FAM227A: variants seen among roughly 807,000 people sequenced by gnomAD.
FAM227A encodes protein FAM227A.
Under a neutral mutation model 74.7 loss-of-function variants are expected in FAM227A, and 80 were observed. The observed-to-expected ratio is 1.07, with a 90% CI of 0.89 to 1.29. The LOEUF (loss-of-function observed/expected upper bound fraction) is 1.29. Ranked by LOEUF, FAM227A falls within the 50% of genes most tolerant of loss-of-function variation. The pLI is 0.00. For synonymous variants in FAM227A, 237 were observed against 241.8 expected (o/e 0.98, Z 0.19); for missense variants, 654 against 683.4 (o/e 0.96, Z 0.48).
rs1441771695 is a variant in FAM227A at position 38,636,567 on chromosome 22, G to C, written c.403C>G (p.Leu135Val). The C allele has an allele frequency of 1.9e-6, 3 of 1,551,354 alleles. No homozygotes were observed. In the African/African-American group the frequency reaches 4.1e-5, roughly 21 times the overall value. Residue 135 changes from leucine to valine, a missense_variant, in exon 6 of 17, where the codon CTG (leucine) becomes GTG (valine). Transcript: ENST00000535113. ...KTADKNLLAELYQYSNFNSSK... is the reference protein window; with the variant it reads ...KTADKNLLAEVYQYSNFNSSK... ...CTGTTGAAGTTGGAATACTGGTACA[G>C]CTCTGCCAGCAGATTTTTATCTGCT...
chr22:38,578,174 A>G lies in FAM227A; in HGVS notation c.*7951T>C, dbSNP rs1190289491. On this transcript the variant is annotated 3_prime_UTR_variant, in exon 17 of 17. Coordinates refer to ENST00000535113, the MANE Select transcript of FAM227A (RefSeq NM_001013647.2). ...CCCAGTATTGTGTACTATATTTTAT[A>G]TGACTGGCAGGCAACACAGTACATT... 6.6e-6 allele frequency: 1 copy of G among 152,238 alleles called. No homozygotes were observed. The highest frequency in any genetic ancestry group is 6.5e-5 in the Admixed American group (1 of 15,280). The allele number at this position is 152,238 out of a possible 1,614,324, so 9.4% of individuals were successfully genotyped here.
chr22:38,634,659 C>T (rs184635527), intron 6 of FAM227A, among the ~76,000 whole-genome samples: 303 of 152,266 alleles, frequency 2.0e-3, no homozygotes, highest in Non-Finnish European at 2.9e-3. Flanking sequence ...TGGTGAGCAT[C>T]TTTGTACACT....
chr22:38,584,009 C>T lies in FAM227A; in HGVS notation c.*2116G>A, dbSNP rs1475495019. On this transcript the variant is annotated 3_prime_UTR_variant, in exon 17 of 17. Transcript: ENST00000535113. ...AATGATAAAACCTATGCCCTTCAGCCCAGCTGCTGGTCCTTTGGCAAACCA... is the reference window on the plus strand; with the variant it reads ...AATGATAAAACCTATGCCCTTCAGCTCAGCTGCTGGTCCTTTGGCAAACCA... 2 of 152,548 alleles carry T rather than the reference C, an allele frequency of 1.3e-5. No homozygotes were observed. Among genetic ancestry groups the T allele is most frequent in the South Asian group, 2.1e-4 (1 of 4,838 alleles). 9.4% of individuals were successfully genotyped at this position (152,548 alleles called of 1,614,324 possible).
chr22:38,596,072 C>A (rs1277214067), intron 15 of FAM227A, among the ~76,000 whole-genome samples: 1 of 152,056 alleles, frequency 6.6e-6, no homozygotes, highest in African/African-American at 2.4e-5. Flanking sequence ...ATAATCTCAA[C>A]AGTTTGGGAG....
At chr22:38,628,812 A>T in intron 7 of FAM227A, 22 bp downstream of exon 7, 1 of 1,326,778 alleles carries the variant, frequency 7.5e-7, no homozygotes, top group Non-Finnish European at 1.1e-6. Flanking sequence ...CAAGGCAGAG[A>T]AACAAGCAGA....
chr22:38,643,877 G>A (rs2092169708), intron 3 of FAM227A, among the ~76,000 whole-genome samples: 1 of 152,198 alleles, frequency 6.6e-6, no homozygotes, highest in African/African-American at 2.4e-5. Flanking sequence ...GCCAGGCGCA[G>A]TGGCTCACGC....
intron 12 of FAM227A, among the ~76,000 whole-genome samples, chr22:38,607,017 AAAT>A (rs547587434): frequency 9.9e-5 from 15 of 152,150 alleles, no homozygotes; most frequent in African/African-American, 3.6e-4. Flanking sequence ...TCTCTACTAA[AAAT>A]ACAAAAATTA....
chr22:38,586,301 G>T (rs1300560693), intron 16 of FAM227A, 102 bp from the exon 17 acceptor site: 3 of 1,309,810 alleles, frequency 2.3e-6, no homozygotes, highest in Non-Finnish European at 3.1e-6. Flanking sequence ...GGTGATCCTT[G>T]TGTGCATGGA....
In FAM227A at chr22:38,582,129, C is replaced by G. The variant is rs2090715533; in HGVS notation, c.*3996G>C. 3 of 580,532 alleles carry G rather than the reference C, an allele frequency of 5.2e-6. No individual in the cohort carries two copies. The highest frequency in any genetic ancestry group is 9.2e-6 in the Non-Finnish European group (3 of 326,638). The allele number at this position is 580,532 out of a possible 1,614,324, so 36.0% of individuals were successfully genotyped here. A position where few individuals can be genotyped will look rare whatever the true frequency, so the allele number is the denominator to read the frequency against. ...TAAAGTGTATTTAGGTGTGTATACACCCATGAGCCATTCACCACAATCAAG... is the reference window on the plus strand; with the variant it reads ...TAAAGTGTATTTAGGTGTGTATACAGCCATGAGCCATTCACCACAATCAAG... On this transcript the variant is annotated 3_prime_UTR_variant, in exon 17 of 17. Transcript: ENST00000535113.
intron 16 of FAM227A, among the ~76,000 whole-genome samples, chr22:38,587,056 CTA>C (rs1335280757): frequency 2.6e-5 from 4 of 151,974 alleles, no homozygotes; most frequent in Non-Finnish European, 4.4e-5. Flanking sequence ...ACAAGATATA[CTA>C]AAAAATATTT....
At position 38,582,176 on chromosome 22, in the gene FAM227A, C is replaced by T. The variant is rs1423431263; in HGVS notation, c.*3949G>A. The stretch of plus-strand genomic sequence containing the variant: ...CAAGATAGTAGACATATCTGTCACC[C>T]CCAAAAGTTTATTTGGGCCTCTTTG... On this transcript the variant is annotated 3_prime_UTR_variant, in exon 17 of 17. Transcript: ENST00000535113. 4 of 634,898 alleles carry T rather than the reference C, an allele frequency of 6.3e-6. No homozygotes were observed. Among genetic ancestry groups the T allele is most frequent in the Non-Finnish European group, 8.1e-6 (3 of 368,486 alleles). 39.3% of individuals were successfully genotyped at this position (634,898 alleles called of 1,614,324 possible).
At chr22:38,615,981 GA>G (rs2091567158) in intron 11 of FAM227A, among the ~76,000 whole-genome samples, 2 of 152,122 alleles carry the variant, frequency 1.3e-5, no homozygotes, top group Non-Finnish European at 2.9e-5. Context: ...CGAGTTCCGG[GA>G]GAGGCCAGGG....
chr22:38,644,036 A>AC (rs1438889137), intron 3 of FAM227A, among the ~76,000 whole-genome samples: 3 of 150,382 alleles, frequency 2.0e-5, no homozygotes, highest in Admixed American at 1.3e-4. Flanking sequence ...AGTTCCAGCT[A>AC]TCGGGAGGCT....
At chr22:38,599,204 C>T (rs201393255) in intron 14 of FAM227A, among the ~76,000 whole-genome samples, 3 of 152,046 alleles carry the variant, frequency 2.0e-5, no homozygotes, top group Middle Eastern at 3.2e-3. Context: ...TCAGATGATC[C>T]GCTCATCTCG....
intron 1 of FAM227A, among the ~76,000 whole-genome samples, chr22:38,655,162 T>G (rs991764622): frequency 1.3e-5 from 2 of 151,544 alleles, no homozygotes; most frequent in Non-Finnish European, 2.9e-5. Context: ...AAGTAAAATT[T>G]TTTTAAAGTA....
chr22:38,627,695 C>G (rs2091838226), intron 8 of FAM227A, among the ~76,000 whole-genome samples: 1 of 152,080 alleles, frequency 6.6e-6, no homozygotes, highest in South Asian at 2.1e-4. Context: ...ACCTCCGCCT[C>G]CCGGGTTCAT....
At chr22:38,606,628 C>T (rs550163412) in intron 12 of FAM227A, among the ~76,000 whole-genome samples, 18 of 152,148 alleles carry the variant, frequency 1.2e-4, no homozygotes, top group Non-Finnish European at 2.2e-4. Context: ...CTCATGATTT[C>T]CAGGGCGAAT....
chr22:38,597,523 C>T, intron 14 of FAM227A, among the ~76,000 whole-genome samples, 167 bp from the exon 15 acceptor site: 1 of 152,174 alleles, frequency 6.6e-6, no homozygotes, highest in Non-Finnish European at 1.5e-5. Context: ...AGATGACTCT[C>T]CTGCTCTTTG....
chr22:38,644,095 G>A lies in FAM227A; in HGVS notation c.225+1468C>T, dbSNP rs186047905. Among the ~76,000 whole-genome samples the A allele has an allele frequency of 3.7e-3, 516 of 139,566 alleles. 3 individuals carry two copies. The highest frequency in any genetic ancestry group is 0.014 in the African/African-American group (502 of 36,468). The allele number at this position is 139,566 out of a possible 152,430, so 91.6% of individuals were successfully genotyped here. A position where few individuals can be genotyped will look rare whatever the true frequency, so the allele number is the denominator to read the frequency against. On this transcript the variant is annotated intron_variant, in intron 3 of 16. Coordinates refer to ENST00000535113, the MANE Select transcript of FAM227A (RefSeq NM_001013647.2). The stretch of plus-strand genomic sequence containing the variant: ...CGGGAGGCAGAGCTTGCAGTGAGCC[G>A]AGATCACGCCACTGCACTCCAGCCT...
Sources: gnomAD v4.1 joint callset for allele counts (sites outside exome capture counted in the v4.1 genomes callset) on GRCh38, gnomAD v4.1.1 for gene constraint, MANE v1.5 for transcripts, NCBI Gene and HGNC (gene_info 2026-07-23, HGNC 2026-07-21) for gene names.